Variants in DGKB observed in about 807,000 individuals in gnomAD.
The protein encoded by DGKB is 90 kDa diacylglycerol kinase.
DGKB carries 67 observed loss-of-function variants against 114.3 expected under a neutral mutation model. That is an observed-to-expected ratio of 0.59 (90% CI 0.48 to 0.72). DGKB has a LOEUF of 0.72. Among genes scored for constraint, DGKB ranks in the 30% least tolerant of loss-of-function variants. DGKB has a pLI of 0.00. For missense variants in DGKB, 907 were observed against 975.2 expected, an observed-to-expected ratio of 0.93 and a Z score of 0.93; for synonymous variants, 398 against 323.1, an observed-to-expected ratio of 1.23 and a Z score of -2.49.
At position 14,929,022 on chromosome 7, in the gene DGKB, TACACACACACACAC is replaced by T. The variant is rs3036022; in HGVS notation, c.-188+45660_-188+45673del. Among the ~76,000 whole-genome samples the T allele has an allele frequency of 4.8e-5, 7 of 146,852 alleles. No individual in the cohort carries two copies. The South Asian group carries it at 6.5e-4, about 14-fold the overall frequency. On this transcript the variant is annotated intron_variant, in intron 1 of 4. Transcript: ENST00000437998. ...TGGCTGAAAAGTACTGCATTGTGTATACACACACACACACACACACACACACACACACACATACA... is the reference window on the plus strand; with the variant it reads ...TGGCTGAAAAGTACTGCATTGTGTATACACACACACACACACACACATACA...
chr7:14,893,497 TC>T (rs1781624817), intron 1 of DGKB, among the ~76,000 whole-genome samples: 1 of 151,446 alleles, frequency 6.6e-6, no homozygotes, highest in East Asian at 1.9e-4. Flanking sequence ...TAAAATTACC[TC>T]CTTTTTCACT....
At chr7:14,860,473 A>G (rs10950540) in intron 1 of DGKB, among the ~76,000 whole-genome samples, 60,487 of 151,750 alleles carry the variant, frequency 0.4, 12,774 homozygotes, top group East Asian at 0.64. Flanking sequence ...CATGAAGGGC[A>G]GACAAAACCC....
At chr7:14,875,047 T>C (rs1042510645) in intron 1 of DGKB, among the ~76,000 whole-genome samples, 20 of 151,966 alleles carry the variant, frequency 1.3e-4, no homozygotes, top group Non-Finnish European at 2.6e-4. Flanking sequence ...AAAATACCCA[T>C]TGTTTAGGGA....
At chr7:14,635,298 G>C (rs1810520237) in intron 13 of DGKB, among the ~76,000 whole-genome samples, 1 of 150,646 alleles carries the variant, frequency 6.6e-6, no homozygotes. Context: ...CTATTGACAA[G>C]AAGGGAACCA....
intron 23 of DGKB, among the ~76,000 whole-genome samples, chr7:14,327,987 G>A (rs540404200): frequency 5.9e-5 from 9 of 152,144 alleles, no homozygotes; most frequent in Middle Eastern, 3.4e-3. Context: ...TATTTTATAT[G>A]GAAGTCACAT....
intron 20 of DGKB, among the ~76,000 whole-genome samples, chr7:14,506,277 G>C (rs988984787): frequency 1.2e-4 from 19 of 152,122 alleles, no homozygotes; most frequent in South Asian, 2.1e-4. Context: ...ACTCAACAGA[G>C]CAAGCTTAGT....
intron 23 of DGKB, among the ~76,000 whole-genome samples, chr7:14,222,650 G>T (rs1435596997): frequency 6.6e-6 from 1 of 151,276 alleles, no homozygotes; most frequent in Non-Finnish European, 1.5e-5. Flanking sequence ...TTATTATATT[G>T]GTGTTTGTAC....
intron 4 of DGKB, among the ~76,000 whole-genome samples, chr7:14,744,779 A>G (rs1462137788): frequency 6.6e-6 from 1 of 152,204 alleles, no homozygotes; most frequent in Admixed American, 6.5e-5. Flanking sequence ...GATAAAAATT[A>G]TGTTTCAAAA....
intron 2 of DGKB, among the ~76,000 whole-genome samples, chr7:14,761,776 A>C (rs1455827473): frequency 6.6e-6 from 1 of 152,284 alleles, no homozygotes; most frequent in African/African-American, 2.4e-5. Context: ...CAGTTTAGTA[A>C]ATACATGTCT....
chr7:14,792,902 G>A (rs968389785), intron 2 of DGKB, among the ~76,000 whole-genome samples: 10 of 151,954 alleles, frequency 6.6e-5, no homozygotes, highest in African/African-American at 1.9e-4. Context: ...CATTGAATTC[G>A]TCAATTAATG....
At chr7:14,687,885 G>C (rs563751468) in intron 9 of DGKB, among the ~76,000 whole-genome samples, 15 of 152,234 alleles carry the variant, frequency 9.9e-5, no homozygotes, top group Non-Finnish European at 1.8e-4. Context: ...CTGTCAATCA[G>C]AACACTTAGC....
At chr7:14,708,895 A>C (rs1438926689) in intron 6 of DGKB, among the ~76,000 whole-genome samples, 1 of 151,458 alleles carries the variant, frequency 6.6e-6, no homozygotes, top group South Asian at 2.1e-4. Context: ...CATTCGGGAC[A>C]TAGGCATGGG....
intron 20 of DGKB, among the ~76,000 whole-genome samples, chr7:14,506,608 G>C (rs1787109064): frequency 6.6e-6 from 1 of 152,078 alleles, no homozygotes. Context: ...ACAAAGATGT[G>C]CCATAGATTC....
At chr7:14,363,609 C>A (rs771028880) in intron 21 of DGKB, among the ~76,000 whole-genome samples, 1 of 151,730 alleles carries the variant, frequency 6.6e-6, no homozygotes, top group African/African-American at 2.4e-5. Context: ...TAGTGGGTTA[C>A]GGTTAGGTAT....
intron 21 of DGKB, among the ~76,000 whole-genome samples, chr7:14,354,490 T>C (rs1288002559): frequency 1.3e-5 from 2 of 152,142 alleles, no homozygotes; most frequent in Non-Finnish European, 2.9e-5. Context: ...GTTATAAGAA[T>C]TGGAATTATG....
At chr7:14,580,675 C>T (rs1308357680) in intron 19 of DGKB, among the ~76,000 whole-genome samples, 187 bp downstream of exon 19, 2 of 152,172 alleles carry the variant, frequency 1.3e-5, no homozygotes, top group African/African-American at 4.8e-5. Context: ...ACCCAATACC[C>T]ATGGTCTCTT....
chr7:14,958,782 G>T (rs977786191), intron 1 of DGKB, among the ~76,000 whole-genome samples: 5 of 152,046 alleles, frequency 3.3e-5, no homozygotes, highest in African/African-American at 1.2e-4. Context: ...CACAGAGCTG[G>T]ATGTTGTGAG....
At chr7:14,456,823 A>G (rs540873082) in intron 21 of DGKB, among the ~76,000 whole-genome samples, 1 of 152,234 alleles carries the variant, frequency 6.6e-6, no homozygotes, top group Non-Finnish European at 1.5e-5. Flanking sequence ...TCACCTTCTT[A>G]TAGAGGACAA....
chr7:14,926,326 A>C lies in DGKB; in HGVS notation c.-188+48370T>G, dbSNP rs144522335. ...TGGCATCTGTTGACTTTCTTTTCTC[A>C]TTTAATTTGTGATTTCCCTTGCTTT... On this transcript the variant is annotated intron_variant, in intron 1 of 4. Coordinates refer to the DGKB transcript ENST00000437998. 1.9e-3 allele frequency among the ~76,000 whole-genome samples: 293 copies of C among 151,960 alleles called. 7 individuals are homozygous for C. In the East Asian group the frequency reaches 0.054, roughly 28 times the overall value.
Sources: gnomAD v4.1 joint callset for allele counts (sites outside exome capture counted in the v4.1 genomes callset) on GRCh38, gnomAD v4.1.1 for gene constraint, MANE v1.5 for transcripts, NCBI Gene and HGNC (gene_info 2026-07-23, HGNC 2026-07-21) for gene names.